PRKCH: variants seen among roughly 807,000 people sequenced by gnomAD.
The protein encoded by PRKCH is protein kinase C eta.
Under a neutral mutation model 82.5 loss-of-function variants are expected in PRKCH, and 28 were observed. That is an observed-to-expected ratio of 0.34 (90% CI 0.25 to 0.47). The LOEUF is 0.47. Among genes scored for constraint, PRKCH ranks in the 20% least tolerant of loss-of-function variants. PRKCH has a pLI of 1.00. For missense variants in PRKCH, 705 were observed against 881.8 expected, an observed-to-expected ratio of 0.80 and a Z score of 2.54; for synonymous variants, 322 against 327.4, an observed-to-expected ratio of 0.98 and a Z score of 0.18.
Position 61,484,910 on chromosome 14 carries a change from G to A in PRKCH, c.1279-592G>A, listed in dbSNP as rs114172775. Reference sequence around the variant, plus strand: ...AATTTTTTTTTTATTTTTTTGTATAGACAACCTCTTGCTATATTGCCCAGG... The same window carrying A: ...AATTTTTTTTTTATTTTTTTGTATAAACAACCTCTTGCTATATTGCCCAGG... On this transcript the variant is annotated intron_variant, in intron 9 of 13. Transcript: ENST00000332981. 7.0e-3 allele frequency among the ~76,000 whole-genome samples: 1,058 copies of A among 150,922 alleles called. 12 individuals are homozygous for A. The highest frequency in any genetic ancestry group is 0.024 in the African/African-American group (987 of 41,050).
chr14:61,547,781 G>A lies in PRKCH; in HGVS notation c.1800G>A (p.Leu600=). 1 of 1,614,190 alleles carries A rather than the reference G, an allele frequency of 6.2e-7. No homozygotes were observed. The highest frequency in any genetic ancestry group is 1.3e-5 in the African/African-American group (1 of 75,048). The part of the protein sequence containing the change: ...TKNPTMRLGS[L]TQGGEHAILR... ...ACCCCACCATGCGCTTGGGCAGCCT[G>A]ACTCAGGGAGGCGAGCACGCCATCT... The change falls in exon 13 of 14, where the codon CTG becomes CTA. Residue 600 remains leucine (L), a synonymous_variant. Coordinates refer to ENST00000332981, the MANE Select transcript of PRKCH (RefSeq NM_006255.5).
At chr14:61,208,030 C>T (rs751580676) in intron 1 of PRKCH, among the ~76,000 whole-genome samples, 2 of 152,120 alleles carry the variant, frequency 1.3e-5, no homozygotes, top group Non-Finnish European at 2.9e-5. Context: ...ATTAGAAGCA[C>T]AGAAACCAAG....
At chr14:61,499,758 A>G (rs932267717) in intron 10 of PRKCH, among the ~76,000 whole-genome samples, 1 of 48,396 alleles carries the variant, frequency 2.1e-5, no homozygotes, top group Non-Finnish European at 5.9e-5. Context: ...CCTATAAGCA[A>G]AGAGGAACTT....
At chr14:61,540,850 C>T (rs1207154751) in intron 12 of PRKCH, among the ~76,000 whole-genome samples, 1 of 152,202 alleles carries the variant, frequency 6.6e-6, no homozygotes, top group Non-Finnish European at 1.5e-5. Flanking sequence ...ACCTCTCCTT[C>T]TCTTGGCTCG....
intron 2 of PRKCH, among the ~76,000 whole-genome samples, chr14:61,393,889 C>T (rs1284642937): frequency 3.3e-5 from 5 of 152,358 alleles, no homozygotes; most frequent in Non-Finnish European, 5.9e-5. Flanking sequence ...CCCTCCTTCA[C>T]GTGTCAGATT....
At chr14:61,482,752 A>C (rs1300767861) in intron 9 of PRKCH, among the ~76,000 whole-genome samples, 2 of 152,212 alleles carry the variant, frequency 1.3e-5, no homozygotes, top group Admixed American at 6.5e-5. Context: ...TGTGTAGCAG[A>C]GGTGAATCTG....
At chr14:61,285,455 G>T (rs527600686) in intron 1 of PRKCH, among the ~76,000 whole-genome samples, 1 of 152,320 alleles carries the variant, frequency 6.6e-6, no homozygotes, top group East Asian at 1.9e-4. Context: ...TAACTTCTCT[G>T]TTCTCATGAT....
intron 1 of PRKCH, among the ~76,000 whole-genome samples, chr14:61,204,763 G>GAAAAA (rs67978354): frequency 9.4e-6 from 1 of 106,178 alleles, no homozygotes; most frequent in African/African-American, 3.4e-5. Flanking sequence ...CCTTTCTCAA[G>GAAAAA]AAAAAAAAAA....
At chr14:61,212,037 C>A (rs900146239) in intron 1 of PRKCH, among the ~76,000 whole-genome samples, 1 of 152,188 alleles carries the variant, frequency 6.6e-6, no homozygotes, top group Non-Finnish European at 1.5e-5. Flanking sequence ...TCCCTCCATC[C>A]TTAACTGCTG....
In PRKCH at chr14:61,280,650, G is replaced by A. The variant is rs1360143834; in HGVS notation, c.-19+92982G>A. 1.3e-6 allele frequency: 2 copies of A among 1,571,848 alleles called. No individual in the cohort carries two copies. The highest frequency in any genetic ancestry group is 1.7e-6 in the Non-Finnish European group (2 of 1,159,562). ...AGAAGGAGTCGTTGAAGAGGCTGTT[G>A]GCGATGGCGCCGCAGGGCGCGATGG... On this transcript the variant is annotated intron_variant, in intron 1 of 3. Transcript: ENST00000555185. This position sits in a 1 kb window ranked among gnomAD's most constrained non-coding sequence, Gnocchi z 5.0.
At chr14:61,300,023 T>C (rs1190200800) in intron 1 of PRKCH, among the ~76,000 whole-genome samples, 1 of 152,236 alleles carries the variant, frequency 6.6e-6, no homozygotes, top group Non-Finnish European at 1.5e-5. Context: ...TTTCCCCATA[T>C]GTAAGTTTTT....
chr14:61,376,011 C>A (rs1023706745), intron 1 of PRKCH, among the ~76,000 whole-genome samples: 2 of 140,586 alleles, frequency 1.4e-5, no homozygotes, highest in East Asian at 2.1e-4. Flanking sequence ...GAGTGAAATT[C>A]TGTCTCAAAA....
At chr14:61,264,118 G>A (rs1048165924) in intron 1 of PRKCH, among the ~76,000 whole-genome samples, 6 of 151,984 alleles carry the variant, frequency 3.9e-5, no homozygotes, top group Non-Finnish European at 8.8e-5. Flanking sequence ...TCAATTCCTC[G>A]GGTCCATAAA....
At chr14:61,349,552 A>G (rs1852437896) in intron 1 of PRKCH, among the ~76,000 whole-genome samples, 1 of 152,118 alleles carries the variant, frequency 6.6e-6, no homozygotes, top group Admixed American at 6.5e-5. Flanking sequence ...TTGGTAGGAA[A>G]TGGGGAGGAA....
chr14:61,457,867 C>G (rs1884850922), intron 9 of PRKCH, among the ~76,000 whole-genome samples, 188 bp downstream of exon 9: 1 of 152,216 alleles, frequency 6.6e-6, no homozygotes, highest in East Asian at 1.9e-4. Flanking sequence ...TATGAATTCA[C>G]CCCTTCCCCT....
chr14:61,361,961 G>A (rs1594946221), intron 1 of PRKCH, among the ~76,000 whole-genome samples: 1 of 152,192 alleles, frequency 6.6e-6, no homozygotes. Flanking sequence ...GTGCTCTTAG[G>A]AAATTAATAA....
chr14:61,202,753 G>A (rs113086855), intron 1 of PRKCH, among the ~76,000 whole-genome samples: 1 of 152,124 alleles, frequency 6.6e-6, no homozygotes, highest in African/African-American at 2.4e-5. Flanking sequence ...AAAATCGTAT[G>A]GGAAGTATAG....
At chr14:61,485,414 T>C (rs1341880781) in intron 9 of PRKCH, 88 bp from the exon 10 acceptor site, 14 of 1,472,486 alleles carry the variant, frequency 9.5e-6, no homozygotes, top group Non-Finnish European at 1.0e-5. Context: ...GTGTCCTCTC[T>C]ATGCCACAGC....
chr14:61,356,044 C>T (rs2046143533), intron 1 of PRKCH, among the ~76,000 whole-genome samples: 1 of 152,198 alleles, frequency 6.6e-6, no homozygotes, highest in African/African-American at 2.4e-5. Flanking sequence ...CCCTTTGAAG[C>T]ATCCAGAGAA....
Sources: gnomAD v4.1 joint callset for allele counts (sites outside exome capture counted in the v4.1 genomes callset) on GRCh38, gnomAD v4.1.1 for gene constraint, Gnocchi (gnomAD v3.1) non-coding constraint, MANE v1.5 for transcripts, NCBI Gene and HGNC (gene_info 2026-07-23, HGNC 2026-07-21) for gene names.